SREBF2: variants seen among roughly 807,000 people sequenced by gnomAD.
The protein encoded by SREBF2 is sterol regulatory element-binding protein 2.
Under a neutral mutation model 113.1 loss-of-function variants are expected in SREBF2, and 55 were observed. The observed-to-expected ratio is 0.49, with a 90% CI of 0.39 to 0.61. The LOEUF is 0.61. Ranked by LOEUF, SREBF2 falls within the 20% of genes least tolerant of loss-of-function variation. The pLI is 0.00. For missense variants in SREBF2, 1,349 were observed against 1,487.4 expected (o/e 0.91, Z 1.53); for synonymous variants, 593 against 605.7 (o/e 0.98, Z 0.31).
rs952622330 is a variant in SREBF2, at chr22:41,833,699, C to A, written c.88+341C>A. 4.7e-6 allele frequency: 1 copy of A among 213,596 alleles called. No individual in the cohort carries two copies. Among genetic ancestry groups the A allele is most frequent in the East Asian group, 9.8e-5 (1 of 10,236 alleles). 13.2% of individuals were successfully genotyped at this position (213,596 alleles called of 1,614,324 possible). A position where few individuals can be genotyped will look rare whatever the true frequency, so the allele number is the denominator to read the frequency against. ...CCGCCGCCTCCCTCGCGCGCCCACA[C>A]GCGGTTTCCGTGGTCCGCTCTCCCG... On this transcript the variant is annotated intron_variant, in intron 1 of 18. Coordinates refer to ENST00000361204, the MANE Select transcript of SREBF2 (RefSeq NM_004599.4). The surrounding 1 kb of genome is among the most constrained non-coding windows in gnomAD (Gnocchi z 4.1).
intron 15 of SREBF2, 173 bp downstream of exon 15, chr22:41,898,954 C>T (rs2077440434): frequency 1.1e-6 from 1 of 923,742 alleles, no homozygotes; most frequent in Non-Finnish European, 1.7e-6. Context: ...CAAGTTGGGC[C>T]AGCAGGTCCT....
At chr22:41,889,119 C>A (rs532082577) in intron 11 of SREBF2, among the ~76,000 whole-genome samples, 20 of 152,228 alleles carry the variant, frequency 1.3e-4, no homozygotes, top group African/African-American at 4.8e-4. Context: ...AAAGAAATAC[C>A]TAACGGTTCT....
chr22:41,856,367 G>C (rs2076977969), intron 1 of SREBF2, among the ~76,000 whole-genome samples: 1 of 152,056 alleles, frequency 6.6e-6, no homozygotes, highest in Non-Finnish European at 1.5e-5. Flanking sequence ...GAACTTGAGC[G>C]ATCTGGCCAC....
At chr22:41,841,647 C>G (rs1326327070) in intron 1 of SREBF2, among the ~76,000 whole-genome samples, 2 of 152,074 alleles carry the variant, frequency 1.3e-5, no homozygotes, top group African/African-American at 4.8e-5. Context: ...ATTTTTGCTT[C>G]TTTCTCAACT....
At chr22:41,844,066 G>T (rs959359365) in intron 1 of SREBF2, among the ~76,000 whole-genome samples, 1 of 36,988 alleles carries the variant, frequency 2.7e-5, no homozygotes, top group African/African-American at 1.3e-4. Flanking sequence ...ACACACACAC[G>T]TATATGTATA....
At chr22:41,844,066 G>A (rs959359365) in intron 1 of SREBF2, among the ~76,000 whole-genome samples, 20 of 36,946 alleles carry the variant, frequency 5.4e-4, no homozygotes, top group East Asian at 6.8e-4. Context: ...ACACACACAC[G>A]TATATGTATA....
At chr22:41,853,478 A>G (rs1305532421) in intron 1 of SREBF2, among the ~76,000 whole-genome samples, 1 of 152,196 alleles carries the variant, frequency 6.6e-6, no homozygotes, top group Non-Finnish European at 1.5e-5. Context: ...GCAGATGCAC[A>G]TCTCTGCTGT....
At chr22:41,904,735 G>A in intron 17 of SREBF2, 128 bp from the exon 18 acceptor site, 1 of 798,184 alleles carries the variant, frequency 1.3e-6, no homozygotes, top group Non-Finnish European at 2.2e-6. Flanking sequence ...TTTCAGGGGT[G>A]AGCAAGGCAG....
intron 4 of SREBF2, among the ~76,000 whole-genome samples, chr22:41,871,710 G>A (rs941815606): frequency 2.6e-5 from 4 of 151,748 alleles, no homozygotes; most frequent in East Asian, 3.9e-4. Context: ...TGGCCAACAC[G>A]GTGAAACCCC....
At chr22:41,843,457 C>G (rs779437249) in intron 1 of SREBF2, among the ~76,000 whole-genome samples, 6 of 152,268 alleles carry the variant, frequency 3.9e-5, no homozygotes, top group Non-Finnish European at 7.3e-5. Flanking sequence ...CTACATTCGT[C>G]TCATAATACG....
intron 11 of SREBF2, 66 bp downstream of exon 11, chr22:41,885,077 G>T: frequency 6.3e-7 from 1 of 1,586,494 alleles, no homozygotes; most frequent in African/African-American, 1.3e-5. Flanking sequence ...GAGTTAAGAT[G>T]CAGAAGCAGT....
Position 41,856,253 on chromosome 22 carries a change from A to C in SREBF2, c.89-10578A>C, listed in dbSNP as rs1368683318. Among the ~76,000 whole-genome samples the C allele has an allele frequency of 2.6e-5, 4 of 152,168 alleles. No homozygotes were observed. In the East Asian group the frequency reaches 7.7e-4, roughly 29 times the overall value. Reference sequence around the variant, plus strand: ...GCAATCCTCCCACCTCAGCCTGCCGAGTAGCTGGGCCTACAGGTGCGTGCC... The same window carrying C: ...GCAATCCTCCCACCTCAGCCTGCCGCGTAGCTGGGCCTACAGGTGCGTGCC... On this transcript the variant is annotated intron_variant, in intron 1 of 18. Coordinates refer to ENST00000361204, the MANE Select transcript of SREBF2 (RefSeq NM_004599.4).
chr22:41,877,175 G>A (rs2077203900), intron 7 of SREBF2, 54 bp from the exon 8 acceptor site: 7 of 1,522,910 alleles, frequency 4.6e-6, no homozygotes, highest in Non-Finnish European at 6.4e-6. Context: ...TATTTATAAA[G>A]TGCTGTAAAA....
chr22:41,875,201 C>T lies in SREBF2; in HGVS notation c.1090-136C>T. ...ACTTCTCCCGAGTGGCACAGCTAAT[C>T]ATTGGGAGGACCAGCATCTGAACTT... On this transcript the variant is annotated intron_variant, in intron 5 of 18. Coordinates refer to ENST00000361204, the MANE Select transcript of SREBF2 (RefSeq NM_004599.4). The T allele has an allele frequency of 4.1e-6, 3 of 726,736 alleles. No homozygotes were observed. In the South Asian group the frequency reaches 4.5e-5, roughly 11 times the overall value. 45.0% of individuals were successfully genotyped at this position (726,736 alleles called of 1,614,324 possible).
intron 1 of SREBF2, among the ~76,000 whole-genome samples, chr22:41,864,323 A>ATATATT (rs1445932321): frequency 5.1e-5 from 4 of 77,958 alleles, no homozygotes; most frequent in African/African-American, 2.2e-4. Flanking sequence ...ATATATATAT[A>ATATATT]TTTTTTTTTT....
chr22:41,838,981 T>C (rs1421660972), intron 1 of SREBF2, among the ~76,000 whole-genome samples: 2 of 152,190 alleles, frequency 1.3e-5, no homozygotes, highest in African/African-American at 4.8e-5. Flanking sequence ...CTAGGTGTTC[T>C]GTAAAGGTGT....
At position 41,875,243 on chromosome 22, in the gene SREBF2, G is replaced by A; in HGVS notation, c.1090-94G>A. 3 of 1,037,804 alleles carry A rather than the reference G, an allele frequency of 2.9e-6. No homozygotes were observed. The East Asian group carries it at 7.4e-5, about 26-fold the overall frequency. The allele number at this position is 1,037,804 out of a possible 1,614,324, so 64.3% of individuals were successfully genotyped here. On this transcript the variant is annotated intron_variant, in intron 5 of 18. Coordinates refer to ENST00000361204, the MANE Select transcript of SREBF2 (RefSeq NM_004599.4). Reference sequence around the variant, plus strand: ...TCTGAACTTGGTTTCTCCTCTCACAGAGCCATGCTGTCATCCCAAGTGCTA... The same window carrying A: ...TCTGAACTTGGTTTCTCCTCTCACAAAGCCATGCTGTCATCCCAAGTGCTA...
chr22:41,837,922 A>G (rs2076794561), intron 1 of SREBF2, among the ~76,000 whole-genome samples: 1 of 151,542 alleles, frequency 6.6e-6, no homozygotes. Flanking sequence ...GGCTCATTTA[A>G]AAAAAAAGTA....
chr22:41,845,013 C>G (rs553711291), intron 1 of SREBF2, among the ~76,000 whole-genome samples: 1 of 147,116 alleles, frequency 6.8e-6, no homozygotes, highest in African/African-American at 2.5e-5. Flanking sequence ...ACTGCGACCT[C>G]TGCCTCCTGG....
Sources: gnomAD v4.1 joint callset for allele counts (sites outside exome capture counted in the v4.1 genomes callset) on GRCh38, gnomAD v4.1.1 for gene constraint, Gnocchi (gnomAD v3.1) non-coding constraint, MANE v1.5 for transcripts, NCBI Gene and HGNC (gene_info 2026-07-23, HGNC 2026-07-21) for gene names.